PRC1: variants seen among roughly 807,000 people sequenced by gnomAD.
PRC1 encodes the protein anaphase spindle elongation 1 homolog.
PRC1 carries 54 observed loss-of-function variants against 91.2 expected under a neutral mutation model. The ratio of observed to expected loss-of-function variants is 0.59; its 90% CI spans 0.48 to 0.74. PRC1 has a LOEUF of 0.74. Ranked by LOEUF, PRC1 falls within the 30% of genes least tolerant of loss-of-function variation. The pLI, the probability that PRC1 is intolerant of heterozygous loss-of-function variation, is 0.00. For missense variants in PRC1, 727 were observed against 746.2 expected (o/e 0.97, Z 0.30); for synonymous variants, 275 against 263.6 (o/e 1.04, Z -0.42).
At position 90,967,003 on chromosome 15, in the gene PRC1, GC is replaced by G; in HGVS notation, c.*127del. The G allele has an allele frequency of 3.9e-6, 3 of 766,216 alleles. No individual in the cohort carries two copies. Among genetic ancestry groups the G allele is most frequent in the Non-Finnish European group, 6.7e-6 (3 of 445,542 alleles). The allele number at this position is 766,216 out of a possible 1,614,324, so 47.5% of individuals were successfully genotyped here. A position where few individuals can be genotyped will look rare whatever the true frequency, so the allele number is the denominator to read the frequency against. On this transcript the variant is annotated 3_prime_UTR_variant, in exon 15 of 15. Transcript: ENST00000394249. Reference sequence around the variant, plus strand: ...ACACTCATTCACATCTTTAAGTTAGGCCCATGGTCATGGAACCTGGCCAAGG... The same window carrying G: ...ACACTCATTCACATCTTTAAGTTAGGCCATGGTCATGGAACCTGGCCAAGG...
intron 3 of PRC1, among the ~76,000 whole-genome samples, chr15:90,982,983 A>T (rs538054392): frequency 6.6e-6 from 1 of 152,200 alleles, no homozygotes; most frequent in African/African-American, 2.4e-5. Flanking sequence ...TGTCCTATAC[A>T]TTTACACAAT....
intron 1 of PRC1, among the ~76,000 whole-genome samples, chr15:90,993,078 A>G (rs1251143782): frequency 4.0e-5 from 6 of 149,810 alleles, no homozygotes; most frequent in Non-Finnish European, 7.4e-5. Flanking sequence ...CTCAAAAAAA[A>G]AAAAAAAAAA....
At chr15:90,994,344 GCC>G in intron 1 of PRC1, 61 bp downstream of exon 1, 2 of 1,611,076 alleles carry the variant, frequency 1.2e-6, no homozygotes, top group Non-Finnish European at 1.7e-6. Flanking sequence ...CCCTGAACAG[GCC>G]CCGCAGCCGA....
chr15:90,994,112 G>T (rs1041293784), intron 1 of PRC1, among the ~76,000 whole-genome samples: 1 of 151,910 alleles, frequency 6.6e-6, no homozygotes, highest in Non-Finnish European at 1.5e-5. Flanking sequence ...CGGGCCCCGG[G>T]CCTCGACTAC....
rs2039418131 is a variant in PRC1, at chr15:90,984,223, TTTTTTC to T, written c.145-89_145-84del. 47 of 1,521,044 alleles carry T rather than the reference TTTTTTC, an allele frequency of 3.1e-5. No homozygotes were observed. Among genetic ancestry groups the T allele is most frequent in the East Asian group, 1.1e-4 (5 of 43,992 alleles). 94.2% of individuals were successfully genotyped at this position (1,521,044 alleles called of 1,614,324 possible). A position where few individuals can be genotyped will look rare whatever the true frequency, so the allele number is the denominator to read the frequency against. On this transcript the variant is annotated intron_variant, in intron 2 of 14. Coordinates refer to ENST00000394249, the MANE Select transcript of PRC1 (RefSeq NM_003981.4). This position sits in a 1 kb window ranked among gnomAD's most constrained non-coding sequence, Gnocchi z 5.1. The stretch of plus-strand genomic sequence containing the variant: ...ACCAATACCAAACTCCTCAAATTTC[TTTTTTC>T]TTTTTCTTTTTTTCTTTGAGATGGA...
At chr15:90,978,285 C>T (rs1355773916) in intron 8 of PRC1, among the ~76,000 whole-genome samples, 1 of 152,238 alleles carries the variant, frequency 6.6e-6, no homozygotes, top group Non-Finnish European at 1.5e-5. Flanking sequence ...ATCCATTCTT[C>T]TCTCCTTCCT....
intron 11 of PRC1, among the ~76,000 whole-genome samples, chr15:90,973,575 C>T (rs1169706833): frequency 1.3e-5 from 2 of 152,082 alleles, no homozygotes; most frequent in African/African-American, 4.8e-5. Flanking sequence ...CCTGCATGCC[C>T]CTGGGAACGG....
chr15:90,994,270 C>T, intron 1 of PRC1, 137 bp downstream of exon 1: 2 of 1,391,076 alleles, frequency 1.4e-6, no homozygotes, highest in Non-Finnish European at 2.0e-6. Flanking sequence ...CTCAGCGCCC[C>T]CGGCCTCCCT....
At position 90,984,717 on chromosome 15, in the gene PRC1, A is replaced by T; in HGVS notation, c.120T>A (p.Thr40=). The T allele has an allele frequency of 1.2e-6, 2 of 1,614,134 alleles. No individual in the cohort carries two copies. Among genetic ancestry groups the T allele is most frequent in the Non-Finnish European group, 1.7e-6 (2 of 1,180,030 alleles). ...GIPEDQRLQR[T]EVVKKHIKEL... ...CCTTGATATGCTTCTTTACCACCTC[A>T]GTTCTTTGTAACCGCTGGTCCTCTG... is the stretch of plus-strand genomic sequence containing the variant. The change falls in exon 2 of 15, where the codon ACT becomes ACA. Residue 40 remains threonine (T), a synonymous_variant. Coordinates refer to ENST00000394249, the MANE Select transcript of PRC1 (RefSeq NM_003981.4). The surrounding 1 kb of genome is among the most constrained non-coding windows in gnomAD (Gnocchi z 5.1).
At chr15:90,967,325 T>TATTGCAGGCTAGG in intron 14 of PRC1, 123 bp from the exon 15 acceptor site, 3 of 735,042 alleles carry the variant, frequency 4.1e-6, no homozygotes, top group Non-Finnish European at 7.1e-6. Context: ...ATCCCTAGCC[T>TATTGCAGGCTAGG]GCAATAGGCT....
chr15:90,970,671 T>A (rs1287674428), intron 11 of PRC1, among the ~76,000 whole-genome samples, 157 bp from the exon 12 acceptor site: 2 of 152,160 alleles, frequency 1.3e-5, no homozygotes, highest in Non-Finnish European at 2.9e-5. Flanking sequence ...CTGCATAGAT[T>A]TGAAGTAACT....
At chr15:90,970,638 T>G (rs2151434475) in intron 11 of PRC1, 124 bp from the exon 12 acceptor site, 2 of 682,868 alleles carry the variant, frequency 2.9e-6, no homozygotes, top group Non-Finnish European at 5.2e-6. Flanking sequence ...GTTTACATGG[T>G]GAAGGGCCTG....
At chr15:90,978,993 A>C (rs573944748) in intron 8 of PRC1, among the ~76,000 whole-genome samples, 165 bp downstream of exon 8, 1 of 152,186 alleles carries the variant, frequency 6.6e-6, no homozygotes, top group Admixed American at 6.5e-5. Context: ...CTCTTAAAAG[A>C]CCCTGTAGAT....
Position 90,970,531 on chromosome 15 carries a change from G to T in PRC1, c.1462-17C>A, listed in dbSNP as rs368740681. On this transcript the variant is annotated splice_polypyrimidine_tract_variant and intron_variant, in intron 11 of 14. Transcript: ENST00000394249. ...AGTGTTCAGCTAGGGAGAAGAGCAC[G>T]TGGGTAACTGATGTGCAGTAACATC... is the stretch of plus-strand genomic sequence containing the variant. 9.1e-6 allele frequency: 14 copies of T among 1,535,602 alleles called. No homozygotes were observed. Among genetic ancestry groups the T allele is most frequent in the African/African-American group, 8.2e-5 (6 of 73,270 alleles).
Position 90,994,434 on chromosome 15 carries a change from A to G in PRC1, c.-17T>C. 2 of 1,610,936 alleles carry G rather than the reference A, an allele frequency of 1.2e-6. No individual in the cohort carries two copies. The highest frequency in any genetic ancestry group is 1.7e-6 in the Non-Finnish European group (2 of 1,178,552). ...TCTCCTCATGGCGGACGCTCCAAGC[A>G]GCCGTGAGTCCAGGTCCAGACCTAC... is the stretch of plus-strand genomic sequence containing the variant. On this transcript the variant is annotated 5_prime_UTR_variant, in exon 1 of 15. Coordinates refer to ENST00000394249, the MANE Select transcript of PRC1 (RefSeq NM_003981.4).
Position 90,981,654 on chromosome 15 carries a change from C to T in PRC1, c.517G>A (p.Glu173Lys). 3 of 1,614,014 alleles carry T rather than the reference C, an allele frequency of 1.9e-6. No individual in the cohort carries two copies. The highest frequency in any genetic ancestry group is 2.5e-6 in the Non-Finnish European group (3 of 1,179,918). ...LRETKASRRE[E>K]FVSIKRQIIL... ...ATCTGTCTCTTTATACTGACAAACT[C>T]CTCACGCCTAGAAGCCTTTAAAACA... The change falls in exon 5 of 15, where the codon GAG (glutamate) becomes AAG (lysine). Residue 173 changes from glutamate (E) to lysine (K), a missense_variant. By Grantham distance (56) the Glu-to-Lys change is moderately conservative (BLOSUM62 1). Coordinates refer to ENST00000394249, the MANE Select transcript of PRC1 (RefSeq NM_003981.4).
At position 90,980,976 on chromosome 15, in the gene PRC1, G is replaced by A. The variant is rs2039147635; in HGVS notation, c.730C>T (p.Arg244Ter). The A allele has an allele frequency of 5.6e-6, 9 of 1,613,936 alleles. No homozygotes were observed. The highest frequency in any genetic ancestry group is 1.7e-5 in the Admixed American group (1 of 59,990). ...AVCEGLRTQI[R>*]ELWDRLQIPE... ...ATTTGCAACCTGTCCCAGAGCTCTCGGATTTGAGTACGCAGCCCCTCACAC... is the reference window on the plus strand; with the variant it reads ...ATTTGCAACCTGTCCCAGAGCTCTCAGATTTGAGTACGCAGCCCCTCACAC... Residue 244 changes from arginine to a stop codon, truncating the protein, a stop_gained, in exon 6 of 15, where the codon CGA (arginine) becomes TGA (stop). Coordinates refer to ENST00000394249, the MANE Select transcript of PRC1 (RefSeq NM_003981.4). LOFTEE classifies it high-confidence loss of function.
chr15:90,982,011 G>C (rs781333753), intron 3 of PRC1, 30 bp from the exon 4 acceptor site: 1 of 1,581,582 alleles, frequency 6.3e-7, no homozygotes, highest in South Asian at 1.1e-5. Flanking sequence ...ACTGTTATAA[G>C]ATTCCAAGTG....
Position 90,979,166 on chromosome 15 carries a change from C to CT in PRC1, c.1098dup (p.Glu367ArgfsTer3). Reference sequence around the variant, plus strand: ...AAAAACTAGGACAATACCTCAAACTCTAAGAAAAGCCTCCAGGTTTCTTCC... The same window carrying CT: ...AAAAACTAGGACAATACCTCAAACTCTTAAGAAAAGCCTCCAGGTTTCTTCC... On this transcript the variant is annotated frameshift_variant, in exon 8 of 15. Coordinates refer to ENST00000394249, the MANE Select transcript of PRC1 (RefSeq NM_003981.4). LOFTEE classifies it high-confidence loss of function. The CT allele has an allele frequency of 6.2e-7, 1 of 1,613,326 alleles. No individual in the cohort carries two copies.
Sources: gnomAD v4.1 joint callset for allele counts (sites outside exome capture counted in the v4.1 genomes callset) on GRCh38, gnomAD v4.1.1 for gene constraint, Gnocchi (gnomAD v3.1) non-coding constraint, MANE v1.5 for transcripts, NCBI Gene and HGNC (gene_info 2026-07-23, HGNC 2026-07-21) for gene names.